MAP2K5: variants seen among roughly 807,000 people sequenced by gnomAD.
MAP2K5 encodes the protein dual specificity mitogen-activated protein kinase kinase 5.
In MAP2K5, 49 loss-of-function variants were observed where a neutral mutation model predicts 83.1. The observed-to-expected ratio is 0.59, with a 90% CI of 0.47 to 0.75. The LOEUF is 0.75. Among genes scored for constraint, MAP2K5 ranks in the 30% least tolerant of loss-of-function variants. MAP2K5 has a pLI of 0.00. For missense variants in MAP2K5, 457 were observed against 557.5 expected (o/e 0.82, Z 1.82); for synonymous variants, 202 against 191.8 (o/e 1.05, Z -0.44).
chr15:67,785,266 G>A lies in MAP2K5; in HGVS notation c.1242+12514G>A, dbSNP rs908061082. Among the ~76,000 whole-genome samples, 3 of 152,166 alleles carry A rather than the reference G, an allele frequency of 2.0e-5. No individual in the cohort carries two copies. Among genetic ancestry groups the A allele is most frequent in the African/African-American group, 7.2e-5 (3 of 41,432 alleles). On this transcript the variant is annotated intron_variant, in intron 21 of 21. Transcript: ENST00000178640. The surrounding 1 kb of genome is among the most constrained non-coding windows in gnomAD (Gnocchi z 4.4). ...GGCCCCGAACTGTTTCTTAAACACAGGAAGATAAGGAATTTGTGCCAGGAT... is the reference window on the plus strand; with the variant it reads ...GGCCCCGAACTGTTTCTTAAACACAAGAAGATAAGGAATTTGTGCCAGGAT...
chr15:67,699,425 C>T (rs1024501375), intron 15 of MAP2K5, among the ~76,000 whole-genome samples: 4 of 152,154 alleles, frequency 2.6e-5, no homozygotes, highest in Non-Finnish European at 4.4e-5. Flanking sequence ...TGCTCCTCTT[C>T]CCCCAGTCCC....
rs550943975 is a variant in MAP2K5 at position 67,722,168 on chromosome 15, G to A, written c.1045-5748G>A. On this transcript the variant is annotated intron_variant, in intron 16 of 21. Transcript: ENST00000178640. This position sits in a 1 kb window ranked among gnomAD's most constrained non-coding sequence, Gnocchi z 4.2. ...CAAATATGTCACTTCATCAGTCTCT[G>A]TTACTCGCACTTATGCCCCTCCACA... 2.0e-5 allele frequency among the ~76,000 whole-genome samples: 3 copies of A among 152,178 alleles called. No individual in the cohort carries two copies. In the East Asian group the frequency reaches 5.8e-4, roughly 29 times the overall value.
chr15:67,714,131 C>G (rs2088769358), intron 16 of MAP2K5, among the ~76,000 whole-genome samples: 1 of 152,158 alleles, frequency 6.6e-6, no homozygotes, highest in East Asian at 1.9e-4. Context: ...CTTGTTGAGC[C>G]TACAATGTAT....
intron 21 of MAP2K5, among the ~76,000 whole-genome samples, chr15:67,796,466 T>C (rs925149951): frequency 6.6e-6 from 1 of 152,132 alleles, no homozygotes; most frequent in African/African-American, 2.4e-5. Flanking sequence ...GGCAAAAATA[T>C]AGGCAAGAGA....
Position 67,770,954 on chromosome 15 carries a change from T to C in MAP2K5, c.1196+1291T>C, listed in dbSNP as rs549877465. ...AATATTGTGTAGCTTTTAAAAACTATTTTTACTCTGAAAACATTTTATTTC... is the reference window on the plus strand; with the variant it reads ...AATATTGTGTAGCTTTTAAAAACTACTTTTACTCTGAAAACATTTTATTTC... On this transcript the variant is annotated intron_variant, in intron 20 of 21. Coordinates refer to ENST00000178640, the MANE Select transcript of MAP2K5 (RefSeq NM_145160.3). The surrounding 1 kb of genome is among the most constrained non-coding windows in gnomAD (Gnocchi z 5.0). Among the ~76,000 whole-genome samples the C allele has an allele frequency of 1.3e-5, 2 of 152,274 alleles. No homozygotes were observed. Among genetic ancestry groups the C allele is most frequent in the East Asian group, 1.9e-4 (1 of 5,188 alleles).
chr15:67,710,179 T>C (rs1247119981), intron 16 of MAP2K5, among the ~76,000 whole-genome samples: 1 of 152,222 alleles, frequency 6.6e-6, no homozygotes, highest in Non-Finnish European at 1.5e-5. Context: ...ATCTTTAGCA[T>C]ATGCATAGCA....
rs1596801964 is a variant in MAP2K5 at position 67,690,871 on chromosome 15, T to C, written c.848-1608T>C. Among the ~76,000 whole-genome samples, 1 of 152,248 alleles carries C rather than the reference T, an allele frequency of 6.6e-6. No individual in the cohort carries two copies. Among genetic ancestry groups the C allele is most frequent in the East Asian group, 1.9e-4 (1 of 5,178 alleles). ...ATTTAATGTATCATATAAAAAGCCATTAATCAGTGAGCAAGATACTGTGCT... is the reference window on the plus strand; with the variant it reads ...ATTTAATGTATCATATAAAAAGCCACTAATCAGTGAGCAAGATACTGTGCT... On this transcript the variant is annotated intron_variant, in intron 13 of 21. Transcript: ENST00000178640. This position sits in a 1 kb window ranked among gnomAD's most constrained non-coding sequence, Gnocchi z 4.3.
rs1452248177 is a variant in MAP2K5 at position 67,782,935 on chromosome 15, C to T, written c.1242+10183C>T. ...CCCCTTTTCAGCTCTCCTGTGCAGGCAGCAGTGCTGCATCATCTGGAAAGT... is the reference window on the plus strand; with the variant it reads ...CCCCTTTTCAGCTCTCCTGTGCAGGTAGCAGTGCTGCATCATCTGGAAAGT... On this transcript the variant is annotated intron_variant, in intron 21 of 21. Coordinates refer to ENST00000178640, the MANE Select transcript of MAP2K5 (RefSeq NM_145160.3). This position sits in a 1 kb window ranked among gnomAD's most constrained non-coding sequence, Gnocchi z 4.9. Among the ~76,000 whole-genome samples, 10 of 152,232 alleles carry T rather than the reference C, an allele frequency of 6.6e-5. No homozygotes were observed. The highest frequency in any genetic ancestry group is 3.9e-4 in the Admixed American group (6 of 15,282).
chr15:67,632,632 A>C (rs527361657), intron 9 of MAP2K5, among the ~76,000 whole-genome samples: 8 of 152,220 alleles, frequency 5.3e-5, no homozygotes, highest in African/African-American at 1.9e-4. Flanking sequence ...ATCTTCATCT[A>C]TCTTTTCATG....
At position 67,555,966 on chromosome 15, in the gene MAP2K5, AG is replaced by A. The variant is rs2084614796; in HGVS notation, c.184+5885del. On this transcript the variant is annotated intron_variant, in intron 2 of 21. Coordinates refer to ENST00000178640, the MANE Select transcript of MAP2K5 (RefSeq NM_145160.3). This position sits in a 1 kb window ranked among gnomAD's most constrained non-coding sequence, Gnocchi z 5.2. ...ACCCGGCTAATTTTTTTGTATTTTT[AG>A]TAGATACGGGGTTTCACCATGTTGA... Among the ~76,000 whole-genome samples, 3 of 152,100 alleles carry A rather than the reference AG, an allele frequency of 2.0e-5. No homozygotes were observed. The South Asian group carries it at 6.2e-4, about 32-fold the overall frequency.
At position 67,691,641 on chromosome 15, in the gene MAP2K5, C is replaced by T. The variant is rs374460533; in HGVS notation, c.848-838C>T. On this transcript the variant is annotated intron_variant, in intron 13 of 21. Transcript: ENST00000178640. ...AAGACGCATTGAAGCAGATGCTGCTCTATACCATCAAAAGTGGTATGCTCT... is the reference window on the plus strand; with the variant it reads ...AAGACGCATTGAAGCAGATGCTGCTTTATACCATCAAAAGTGGTATGCTCT... 6.6e-5 allele frequency among the ~76,000 whole-genome samples: 10 copies of T among 152,340 alleles called. No individual in the cohort carries two copies. The East Asian group carries it at 1.7e-3, about 26-fold the overall frequency.
At chr15:67,789,238 A>G (rs924018268) in intron 21 of MAP2K5, among the ~76,000 whole-genome samples, 1 of 152,102 alleles carries the variant, frequency 6.6e-6, no homozygotes, top group African/African-American at 2.4e-5. Context: ...TATCATATTT[A>G]TTTATCCAGG....
chr15:67,580,682 T>C lies in MAP2K5; in HGVS notation c.253-72T>C, dbSNP rs1402268683. ...AGCAATTTACAAAAGTACTGTGAATTAAACAACCCATAAGTGTCTGTTCCA... is the reference window on the plus strand; with the variant it reads ...AGCAATTTACAAAAGTACTGTGAATCAAACAACCCATAAGTGTCTGTTCCA... On this transcript the variant is annotated intron_variant, in intron 3 of 21. Coordinates refer to ENST00000178640, the MANE Select transcript of MAP2K5 (RefSeq NM_145160.3). 4 of 971,110 alleles carry C rather than the reference T, an allele frequency of 4.1e-6. No individual in the cohort carries two copies. In the East Asian group the frequency reaches 9.6e-5, roughly 23 times the overall value. The allele number at this position is 971,110 out of a possible 1,614,324, so 60.2% of individuals were successfully genotyped here.
Position 67,543,400 on chromosome 15 carries a change from A to G in MAP2K5, c.65A>G (p.Lys22Arg). 1 of 1,614,166 alleles carries G rather than the reference A, an allele frequency of 6.2e-7. No individual in the cohort carries two copies. ...AACCAGGTGCTGGTAATTCGCATCA[A>G]GATCCCAAATAGTGGCGCGGTGGAC... ...MENQVLVIRIKIPNSGAVDWT... is the reference protein window; with the variant it reads ...MENQVLVIRIRIPNSGAVDWT... Residue 22 changes from lysine (K) to arginine (R), a missense_variant, in exon 1 of 22, where the codon AAG becomes AGG. Lys to Arg is a conservative substitution (Grantham distance 26). Coordinates refer to ENST00000178640, the MANE Select transcript of MAP2K5 (RefSeq NM_145160.3). The surrounding 1 kb of genome is among the most constrained non-coding windows in gnomAD (Gnocchi z 4.3).
chr15:67,548,926 A>AAAG, intron 1 of MAP2K5: 1 of 850,808 alleles, frequency 1.2e-6, no homozygotes. Context: ...AAAAAAAAAA[A>AAAG]GCACTATAGA....
At chr15:67,707,248 A>C (rs544892191) in intron 16 of MAP2K5, among the ~76,000 whole-genome samples, 1 of 152,280 alleles carries the variant, frequency 6.6e-6, no homozygotes, top group Admixed American at 6.5e-5. Flanking sequence ...CAATATAATG[A>C]GAACATTACC....
Position 67,562,288 on chromosome 15 carries a change from A to G in MAP2K5, c.185-995A>G, listed in dbSNP as rs372621062. Among the ~76,000 whole-genome samples, 16 of 152,248 alleles carry G rather than the reference A, an allele frequency of 1.1e-4. No individual in the cohort carries two copies. The highest frequency in any genetic ancestry group is 2.1e-4 in the Non-Finnish European group (14 of 68,040). On this transcript the variant is annotated intron_variant, in intron 2 of 21. Coordinates refer to ENST00000178640, the MANE Select transcript of MAP2K5 (RefSeq NM_145160.3). This position sits in a 1 kb window ranked among gnomAD's most constrained non-coding sequence, Gnocchi z 4.1. Reference sequence around the variant, plus strand: ...GTTAACTATATATTTGGAAATAGCCATAAGTCATTCTTAGACATGCTTGGC... The same window carrying G: ...GTTAACTATATATTTGGAAATAGCCGTAAGTCATTCTTAGACATGCTTGGC...
intron 8 of MAP2K5, among the ~76,000 whole-genome samples, chr15:67,612,073 C>CT (rs57650533): frequency 0.02 from 2,383 of 117,208 alleles, 60 homozygotes; most frequent in Admixed American, 0.063. Context: ...CTTTGGTTTT[C>CT]TTTTTTTTTT....
chr15:67,766,594 C>G (rs186691778), intron 19 of MAP2K5, among the ~76,000 whole-genome samples: 4 of 152,310 alleles, frequency 2.6e-5, no homozygotes, highest in Admixed American at 6.5e-5. Flanking sequence ...TACAGTGAAA[C>G]TGGAGCGCAA....
Sources: gnomAD v4.1 joint callset for allele counts (sites outside exome capture counted in the v4.1 genomes callset) on GRCh38, gnomAD v4.1.1 for gene constraint, Gnocchi (gnomAD v3.1) non-coding constraint, MANE v1.5 for transcripts, NCBI Gene and HGNC (gene_info 2026-07-23, HGNC 2026-07-21) for gene names.